NBEA: variants seen among roughly 807,000 people sequenced by gnomAD.
NBEA encodes the protein neurobeachin, also known as lysosomal-trafficking regulator 2.
NBEA carries 44 observed loss-of-function variants against 343.4 expected under a neutral mutation model. The observed-to-expected ratio is 0.13, with a 90% confidence interval of 0.10 to 0.16. The LOEUF (loss-of-function observed/expected upper bound fraction) is 0.16, where lower values mean the gene tolerates loss of function less well. Ranked by LOEUF, NBEA falls within the 10% of genes least tolerant of loss-of-function variation. NBEA has a pLI of 1.00. For missense variants in NBEA, 2,555 were observed against 3,631.3 expected (o/e 0.70, Z 7.62); for synonymous variants, 1,175 against 1,238.7 (o/e 0.95, Z 1.08).
At chr13:35,482,804 A>T (rs971338321) in intron 41 of NBEA, among the ~76,000 whole-genome samples, 8 of 151,814 alleles carry the variant, frequency 5.3e-5, no homozygotes, top group African/African-American at 1.9e-4. Context: ...CATTCTATGA[A>T]TTCTGACAAA....
At chr13:35,135,781 A>ATG (rs570386758) in intron 17 of NBEA, among the ~76,000 whole-genome samples, 149 of 152,136 alleles carry the variant, frequency 9.8e-4, no homozygotes, top group African/African-American at 3.4e-3. Context: ...ATCTATATAT[A>ATG]TATATGTATG....
intron 47 of NBEA, among the ~76,000 whole-genome samples, chr13:35,595,441 C>G (rs1422568266): frequency 1.3e-5 from 2 of 152,074 alleles, no homozygotes; most frequent in East Asian, 3.9e-4. Context: ...TACCACCACT[C>G]ATGAACCTTT....
chr13:35,267,631 T>C (rs889179109), intron 34 of NBEA, among the ~76,000 whole-genome samples: 4 of 151,546 alleles, frequency 2.6e-5, no homozygotes, highest in African/African-American at 9.7e-5. Flanking sequence ...ATCCAGAATA[T>C]ATAAAAATCT....
chr13:34,997,914 A>G lies in NBEA; in HGVS notation c.295-43019A>G, dbSNP rs1358368980. On this transcript the variant is annotated intron_variant, in intron 1 of 58. Transcript: ENST00000379939. ...AAGAGACCTTATTATAATCAAACCA[A>G]TGAAATGCATCATAGTACCTTTTTC... Among the ~76,000 whole-genome samples, 4 of 152,288 alleles carry G rather than the reference A, an allele frequency of 2.6e-5. No homozygotes were observed. In the East Asian group the frequency reaches 7.7e-4, roughly 29 times the overall value.
intron 41 of NBEA, among the ~76,000 whole-genome samples, chr13:35,497,301 G>C (rs923380788): frequency 1.3e-5 from 2 of 152,072 alleles, no homozygotes; most frequent in African/African-American, 4.8e-5. Context: ...TATTTTGCCA[G>C]ATGTTCTTAA....
At chr13:35,577,827 CAT>C (rs1311152359) in intron 45 of NBEA, among the ~76,000 whole-genome samples, 1 of 152,064 alleles carries the variant, frequency 6.6e-6, no homozygotes, top group Non-Finnish European at 1.5e-5. Context: ...CAGATGGTGT[CAT>C]GTAAGGCTTT....
chr13:35,521,469 C>T (rs1347109688), intron 41 of NBEA, among the ~76,000 whole-genome samples: 1 of 152,068 alleles, frequency 6.6e-6, no homozygotes, highest in Non-Finnish European at 1.5e-5. Flanking sequence ...TCATGAAATC[C>T]CATGACAAGA....
intron 49 of NBEA, among the ~76,000 whole-genome samples, chr13:35,642,168 G>A (rs1275113352): frequency 6.6e-6 from 1 of 152,068 alleles, no homozygotes; most frequent in East Asian, 1.9e-4. Flanking sequence ...ACCTATGCTG[G>A]CTTTGTATGA....
intron 1 of NBEA, among the ~76,000 whole-genome samples, chr13:34,969,044 T>A (rs185709787): frequency 1.3e-5 from 2 of 151,742 alleles, no homozygotes; most frequent in Admixed American, 1.3e-4. Flanking sequence ...TGATCATGAC[T>A]TTTATCACAT....
chr13:35,543,368 A>G (rs1002886146), intron 41 of NBEA, among the ~76,000 whole-genome samples: 1 of 152,338 alleles, frequency 6.6e-6, no homozygotes, highest in Middle Eastern at 3.4e-3. Context: ...AGACAGTGTT[A>G]TTCAGTGTTT....
chr13:35,110,754 T>G, intron 12 of NBEA, 56 bp from the exon 13 acceptor site: 1 of 1,420,860 alleles, frequency 7.0e-7, no homozygotes, highest in Non-Finnish European at 9.7e-7. Flanking sequence ...GTATATAATA[T>G]GAGCACTTGA....
chr13:35,102,890 A>G (rs1593351250), intron 11 of NBEA, among the ~76,000 whole-genome samples: 1 of 151,676 alleles, frequency 6.6e-6, no homozygotes. Flanking sequence ...TATGCCACCT[A>G]AAAAGTGCCA....
At chr13:34,950,583 AAT>A (rs1456840517) in intron 1 of NBEA, among the ~76,000 whole-genome samples, 1 of 151,202 alleles carries the variant, frequency 6.6e-6, no homozygotes, top group Non-Finnish European at 1.5e-5. Flanking sequence ...AATATTTAGA[AAT>A]ATTTAATTTC....
rs1347905269 is a variant in NBEA, at chr13:35,269,351, A to G, written c.5777-21038A>G. On this transcript the variant is annotated intron_variant, in intron 34 of 58. Coordinates refer to ENST00000379939, the MANE Select transcript of NBEA (RefSeq NM_001385012.1). ...TGAACTAATTGGTATCTAGGAAAAA[A>G]CAACTTATGACATATTTGACAGTAA... Among the ~76,000 whole-genome samples, 3 of 152,160 alleles carry G rather than the reference A, an allele frequency of 2.0e-5. No individual in the cohort carries two copies. The East Asian group carries it at 5.8e-4, about 29-fold the overall frequency.
intron 28 of NBEA, among the ~76,000 whole-genome samples, chr13:35,177,998 T>C (rs1267982377): frequency 6.6e-6 from 1 of 151,772 alleles, no homozygotes; most frequent in African/African-American, 2.4e-5. Flanking sequence ...AGTTATAAAA[T>C]GCTAGGAAAA....
At chr13:35,325,603 T>C (rs1024316892) in intron 36 of NBEA, among the ~76,000 whole-genome samples, 1 of 151,996 alleles carries the variant, frequency 6.6e-6, no homozygotes, top group Non-Finnish European at 1.5e-5. Flanking sequence ...CAATAATTTT[T>C]AACAAGGTTT....
intron 1 of NBEA, among the ~76,000 whole-genome samples, chr13:34,945,627 A>C (rs2059164151): frequency 6.6e-6 from 1 of 152,150 alleles, no homozygotes; most frequent in South Asian, 2.1e-4. Flanking sequence ...GAAATAGTGA[A>C]ATACCTATTA....
chr13:35,453,261 G>GA (rs2046396006), intron 40 of NBEA, among the ~76,000 whole-genome samples: 1 of 152,062 alleles, frequency 6.6e-6, no homozygotes, highest in Admixed American at 6.5e-5. Flanking sequence ...CCCTTTTCTA[G>GA]ATTAAGAAAG....
chr13:35,058,264 G>A (rs956918456), intron 7 of NBEA, among the ~76,000 whole-genome samples: 4 of 152,084 alleles, frequency 2.6e-5, no homozygotes, highest in African/African-American at 7.2e-5. Flanking sequence ...TAGAGGAATA[G>A]ATTTGTAATT....
Sources: gnomAD v4.1 joint callset for allele counts (sites outside exome capture counted in the v4.1 genomes callset) on GRCh38, gnomAD v4.1.1 for gene constraint, MANE v1.5 for transcripts, NCBI Gene and HGNC (gene_info 2026-07-23, HGNC 2026-07-21) for gene names.